GUCY2D: variants seen among roughly 807,000 people sequenced by gnomAD.
GUCY2D encodes retinal guanylyl cyclase 1.
In GUCY2D, 70 loss-of-function variants were observed where a neutral mutation model predicts 101.3. That is an observed-to-expected ratio of 0.69 (90% CI 0.57 to 0.84). GUCY2D has a LOEUF of 0.84. Among genes scored for constraint, GUCY2D ranks in the 40% least tolerant of loss-of-function variants. GUCY2D has a pLI of 0.00. For missense variants in GUCY2D, 1,460 were observed against 1,542.5 expected (o/e 0.95, Z 0.90); for synonymous variants, 688 against 670.7 (o/e 1.03, Z -0.40).
rs577806343 is a variant in GUCY2D, at chr17:8,006,470, G to A, written c.1134G>A (p.Val378=). 6.8e-6 allele frequency: 11 copies of A among 1,606,504 alleles called. No individual in the cohort carries two copies. The African/African-American group carries it at 1.5e-4, about 21-fold the overall frequency. Residue 378 remains valine, a synonymous_variant, in exon 4 of 20, where the codon GTG becomes GTA. Transcript: ENST00000254854. Reference sequence around the variant, plus strand: ...GCAGATGGGTGTCCGGAGCAGCTGTGGCCCGCCACATCCGGGATGCGCAGG... The same window carrying A: ...GCAGATGGGTGTCCGGAGCAGCTGTAGCCCGCCACATCCGGGATGCGCAGG... ...AGGRWVSGAA[V]ARHIRDAQVP...
Position 8,013,976 on chromosome 17 carries a change from G to A in GUCY2D, c.2360G>A (p.Cys787Tyr), listed in dbSNP as rs1338964872. The stretch of plus-strand genomic sequence containing the variant: ...GAGTGTATCCTCCTGATGAAGCAGT[G>A]CTGGGCAGAGCAGCCGGAACTTCGG... Reference protein sequence around the residue: ...PVECILLMKQCWAEQPELRPS... With the variant: ...PVECILLMKQYWAEQPELRPS... Residue 787 changes from cysteine (C) to tyrosine (Y), a missense_variant, in exon 12 of 20, where the codon TGC becomes TAC. Physicochemically the swap from Cys to Tyr is radical, Grantham distance 194. Transcript: ENST00000254854. This position sits in a 1 kb window ranked among gnomAD's most constrained non-coding sequence, Gnocchi z 5.0. The A allele has an allele frequency of 6.2e-7, 1 of 1,613,848 alleles. No homozygotes were observed. Among genetic ancestry groups the A allele is most frequent in the South Asian group, 1.1e-5 (1 of 91,084 alleles).
Position 8,006,649 on chromosome 17 carries a change from G to C in GUCY2D, c.1313G>C (p.Arg438Pro), listed in dbSNP as rs151330485. 8 of 1,612,766 alleles carry C rather than the reference G, an allele frequency of 5.0e-6. No individual in the cohort carries two copies. Among genetic ancestry groups the C allele is most frequent in the Non-Finnish European group, 5.9e-6 (7 of 1,179,528 alleles). Residue 438 changes from arginine to proline, a missense_variant, in exon 4 of 20, where the codon CGT becomes CCT. Physicochemically the swap from Arg to Pro is moderately radical, Grantham distance 103 (BLOSUM62 -2). Around this residue, in one of 3 missense-constraint regions of GUCY2D, gnomAD observed 1,196 missense variants for 1,229.6 expected, o/e 0.97. Transcript: ENST00000254854. ...LSAGTRMHFPRGGSAPGPDPS... is the reference protein window; with the variant it reads ...LSAGTRMHFPPGGSAPGPDPS... ...GCCGGTACCCGGATGCACTTCCCGC[G>C]TGGGGGATCAGCACCCGGACCTGAC...
At position 8,012,510 on chromosome 17, in the gene GUCY2D, A is replaced by G. The variant is rs1975873882; in HGVS notation, c.2017A>G (p.Ile673Val). The G allele has an allele frequency of 4.3e-6, 7 of 1,613,796 alleles. No homozygotes were observed. Among genetic ancestry groups the G allele is most frequent in the Non-Finnish European group, 5.9e-6 (7 of 1,179,732 alleles). ...AHGRLKSRNC[I>V]VDGRFVLKIT... ...TGGGCGGCTGAAGTCACGGAACTGC[A>G]TAGTGGATGGCAGATTCGTACTCAA... The change falls in exon 10 of 20, where the codon ATA becomes GTA. Residue 673 changes from isoleucine (I) to valine (V), a missense_variant. This residue lies in a region of GUCY2D where 1,196 missense variants were observed against 1,229.6 expected (regional missense o/e 0.97). Coordinates refer to ENST00000254854, the MANE Select transcript of GUCY2D (RefSeq NM_000180.4).
chr17:8,009,388 A>G, intron 7 of GUCY2D, 118 bp from the exon 8 acceptor site: 1 of 790,306 alleles, frequency 1.3e-6, no homozygotes, highest in South Asian at 1.3e-5. Flanking sequence ...GCATTTTGTC[A>G]CATGGAAGAT....
chr17:8,003,209 C>G lies in GUCY2D; in HGVS notation c.162C>G (p.Phe54Leu), dbSNP rs1279191901. Residue 54 changes from phenylalanine to leucine, a missense_variant, in exon 2 of 20, where the codon TTC (phenylalanine) becomes TTG (leucine). By Grantham distance (22) the Phe-to-Leu change is conservative. Around this residue, in one of 3 missense-constraint regions of GUCY2D, gnomAD observed 1,196 missense variants for 1,229.6 expected, o/e 0.97. Coordinates refer to ENST00000254854, the MANE Select transcript of GUCY2D (RefSeq NM_000180.4). ...AGCCCCCCGCCCTCTCCGCCGTGTT[C>G]ACGGTGGGGGTCCTGGGCCCCTGGG... ...LLQPPALSAV[F>L]TVGVLGPWAC... 6.6e-7 allele frequency: 1 copy of G among 1,522,166 alleles called. No individual in the cohort carries two copies. Among genetic ancestry groups the G allele is most frequent in the East Asian group, 2.6e-5 (1 of 38,518 alleles). The allele number at this position is 1,522,166 out of a possible 1,614,324, so 94.3% of individuals were successfully genotyped here. A position where few individuals can be genotyped will look rare whatever the true frequency, so the allele number is the denominator to read the frequency against.
intron 15 of GUCY2D, 84 bp downstream of exon 15, chr17:8,015,586 G>A: frequency 7.5e-7 from 1 of 1,332,628 alleles, no homozygotes; most frequent in South Asian, 1.2e-5. Context: ...GGCAACTCAT[G>A]GAGCGGGGAG....
intron 14 of GUCY2D, 68 bp from the exon 15 acceptor site, chr17:8,015,250 CGGTGACAAGA>C: frequency 7.2e-7 from 1 of 1,394,152 alleles, no homozygotes; most frequent in Non-Finnish European, 1.0e-6. Flanking sequence ...CAGGTGGGCC[CGGTGACAAGA>C]GGCAATCGCT....
In GUCY2D at chr17:8,013,525, G is replaced by C. The variant is rs970623150; in HGVS notation, c.2263+273G>C. On this transcript the variant is annotated intron_variant, in intron 11 of 19. Coordinates refer to ENST00000254854, the MANE Select transcript of GUCY2D (RefSeq NM_000180.4). This position sits in a 1 kb window ranked among gnomAD's most constrained non-coding sequence, Gnocchi z 5.0. ...CAACTGACAGAACAGACTCCTCTCT[G>C]TTCTCAGGGGTCCCTGGGAGGAGCA... 1.7e-6 allele frequency: 1 copy of C among 578,296 alleles called. No individual in the cohort carries two copies. Among genetic ancestry groups the C allele is most frequent in the Non-Finnish European group, 3.1e-6 (1 of 322,946 alleles). The allele number at this position is 578,296 out of a possible 1,614,324, so 35.8% of individuals were successfully genotyped here. A position where few individuals can be genotyped will look rare whatever the true frequency, so the allele number is the denominator to read the frequency against.
At chr17:8,017,097 G>A (rs1432003553) in intron 19 of GUCY2D, among the ~76,000 whole-genome samples, 1 of 152,196 alleles carries the variant, frequency 6.6e-6, no homozygotes, top group Non-Finnish European at 1.5e-5. Flanking sequence ...TAATGCTGGT[G>A]GACTCTGCCC....
rs1316110664 is a variant in GUCY2D, at chr17:8,004,061, C to A, written c.931C>A (p.Leu311Ile). 21 of 1,607,936 alleles carry A rather than the reference C, an allele frequency of 1.3e-5. No individual in the cohort carries two copies. Among genetic ancestry groups the A allele is most frequent in the Non-Finnish European group, 1.7e-5 (20 of 1,179,904 alleles). Residue 311 changes from leucine to isoleucine, a missense_variant, in exon 3 of 20, where the codon CTC becomes ATC. Leu to Ile is a conservative substitution (Grantham distance 5). Coordinates refer to ENST00000254854, the MANE Select transcript of GUCY2D (RefSeq NM_000180.4). ...LRRAHDAVLT[L>I]TRHCPSEGSV... is the part of the protein sequence containing the mutation. ...CAGGGCCCACGATGCCGTGCTCACC[C>A]TCACGCGCCACTGTCCCTCTGAAGG...
At chr17:8,009,401 A>T (rs1278062230) in intron 7 of GUCY2D, 105 bp from the exon 8 acceptor site, 1 of 810,534 alleles carries the variant, frequency 1.2e-6, no homozygotes, top group East Asian at 2.4e-5. Context: ...TGGAAGATGC[A>T]TTCTGGGACA....
rs749101279 is a variant in GUCY2D, at chr17:8,014,490, G to A, written c.2413-111G>A. The A allele has an allele frequency of 1.0e-5, 10 of 974,430 alleles. No homozygotes were observed. The highest frequency in any genetic ancestry group is 8.5e-5 in the Admixed American group (5 of 58,706). 60.4% of individuals were successfully genotyped at this position (974,430 alleles called of 1,614,324 possible). A position where few individuals can be genotyped will look rare whatever the true frequency, so the allele number is the denominator to read the frequency against. ...TGAATAGTAGATGAATGGTGGCAGC[G>A]GGGTTGGGGTTCAGAGTGAACAGCC... On this transcript the variant is annotated intron_variant, in intron 12 of 19. Transcript: ENST00000254854. The surrounding 1 kb of genome is among the most constrained non-coding windows in gnomAD (Gnocchi z 4.0).
rs1225559381 is a variant in GUCY2D, at chr17:8,003,212, G to T, written c.165G>T (p.Thr55=). Residue 55 remains threonine, a synonymous_variant, in exon 2 of 20, where the codon ACG becomes ACT. Coordinates refer to ENST00000254854, the MANE Select transcript of GUCY2D (RefSeq NM_000180.4). Reference sequence around the variant, plus strand: ...CCCCCGCCCTCTCCGCCGTGTTCACGGTGGGGGTCCTGGGCCCCTGGGCTT... The same window carrying T: ...CCCCCGCCCTCTCCGCCGTGTTCACTGTGGGGGTCCTGGGCCCCTGGGCTT... The part of the protein sequence containing the change: ...LQPPALSAVF[T]VGVLGPWACD... 3.3e-6 allele frequency: 5 copies of T among 1,522,080 alleles called. No homozygotes were observed. Among genetic ancestry groups the T allele is most frequent in the Admixed American group, 2.0e-5 (1 of 49,440 alleles). The allele number at this position is 1,522,080 out of a possible 1,614,324, so 94.3% of individuals were successfully genotyped here.
In GUCY2D at chr17:8,006,638, G is replaced by T; in HGVS notation, c.1302G>T (p.Met434Ile). 6.2e-7 allele frequency: 1 copy of T among 1,612,870 alleles called. No homozygotes were observed. Among genetic ancestry groups the T allele is most frequent in the Non-Finnish European group, 8.5e-7 (1 of 1,179,566 alleles). The change falls in exon 4 of 20, where the codon ATG (methionine) becomes ATT (isoleucine). Residue 434 changes from methionine (M) to isoleucine (I), a missense_variant. Coordinates refer to ENST00000254854, the MANE Select transcript of GUCY2D (RefSeq NM_000180.4). ...RGSFLSAGTRMHFPRGGSAPG... is the reference protein window; with the variant it reads ...RGSFLSAGTRIHFPRGGSAPG... ...CCTTCCTCTCCGCCGGTACCCGGAT[G>T]CACTTCCCGCGTGGGGGATCAGCAC...
In GUCY2D at chr17:8,007,510, T is replaced by C; in HGVS notation, c.1548T>C (p.His516=). The change falls in exon 6 of 20, where the codon CAT becomes CAC. Residue 516 remains histidine, a synonymous_variant. Transcript: ENST00000254854. ...TVDDITFLHP[H]GGTSRKVAQG... ...ACGACATCACCTTTCTCCACCCACA[T>C]GGGGGCACCTCTCGAAAGGTGGGGG... The C allele has an allele frequency of 6.2e-7, 1 of 1,603,960 alleles. No homozygotes were observed. Among genetic ancestry groups the C allele is most frequent in the Non-Finnish European group, 8.5e-7 (1 of 1,170,834 alleles).
chr17:8,005,025 A>G (rs9914937), intron 3 of GUCY2D, among the ~76,000 whole-genome samples: 86 of 152,222 alleles, frequency 5.6e-4, no homozygotes, highest in African/African-American at 2.1e-3. Context: ...GAGAAAGTAG[A>G]GAGAGAAAAG....
In GUCY2D at chr17:8,016,463, G is replaced by C. The variant is rs750743574; in HGVS notation, c.3245G>C (p.Ser1082Thr). ...TGCAGGTCCAGCAACCACGGCATCA[G>C]CCTGCAGGAGATCCCACCCGAGCGG... is the stretch of plus-strand genomic sequence containing the variant. ...LQPGSSNHGISLQEIPPERRR... is the reference protein window; with the variant it reads ...LQPGSSNHGITLQEIPPERRR... Residue 1082 changes from serine to threonine, a missense_variant, in exon 19 of 20, where the codon AGC becomes ACC. By Grantham distance (58) the Ser-to-Thr change is moderately conservative. Around this residue, in one of 3 missense-constraint regions of GUCY2D, gnomAD observed 215 missense variants for 227.9 expected, o/e 0.94. Coordinates refer to ENST00000254854, the MANE Select transcript of GUCY2D (RefSeq NM_000180.4). 32 of 1,574,120 alleles carry C rather than the reference G, an allele frequency of 2.0e-5. No individual in the cohort carries two copies. The highest frequency in any genetic ancestry group is 1.5e-5 in the Non-Finnish European group (17 of 1,160,240).
chr17:8,018,138 A>G (rs985081093), intron 19 of GUCY2D, among the ~76,000 whole-genome samples: 4 of 152,182 alleles, frequency 2.6e-5, no homozygotes, highest in Admixed American at 1.3e-4. Flanking sequence ...AGAAGTTTGC[A>G]GCAGGCTAGG....
rs762618243 is a variant in GUCY2D, at chr17:8,003,530, G to A, written c.483G>A (p.Thr161=). Residue 161 remains threonine (T), a synonymous_variant, in exon 2 of 20, where the codon ACG becomes ACA. Transcript: ENST00000254854. Reference sequence around the variant, plus strand: ...CCTGGACGCAGGCGGAGGGCACCACGGCCCCTGCCGTGACCCCCGCCGCGG... The same window carrying A: ...CCTGGACGCAGGCGGAGGGCACCACAGCCCCTGCCGTGACCCCCGCCGCGG... ...GCPWTQAEGT[T]APAVTPAADA... The A allele has an allele frequency of 2.7e-5, 42 of 1,542,500 alleles. No individual in the cohort carries two copies. The Admixed American group carries it at 7.4e-4, about 27-fold the overall frequency.
Sources: allele counts gnomAD v4.1 joint callset (sites outside exome capture counted in the v4.1 genomes callset), GRCh38; gene constraint gnomAD v4.1.1; regional missense constraint gnomAD v4.1.1; non-coding constraint Gnocchi (gnomAD v3.1); transcripts MANE v1.5; gene names NCBI Gene and HGNC (gene_info 2026-07-23, HGNC 2026-07-21).